Variants in ATP2B1 observed in about 807,000 individuals in gnomAD.
ATP2B1 encodes the protein plasma membrane calcium-transporting ATPase 1.
In ATP2B1, 14 loss-of-function variants were observed where a neutral mutation model predicts 124.2. The ratio of observed to expected loss-of-function variants is 0.11; its 90% confidence interval spans 0.07 to 0.18. The LOEUF (loss-of-function observed/expected upper bound fraction) is 0.18, where lower values mean the gene tolerates loss of function less well. Ranked by LOEUF, ATP2B1 falls within the 10% of genes least tolerant of loss-of-function variation. ATP2B1 has a pLI of 1.00. For synonymous variants in ATP2B1, 449 were observed against 492.4 expected (o/e 0.91, Z 1.17); for missense variants, 763 against 1,466.1 (o/e 0.52, Z 7.83).
intron 1 of ATP2B1, among the ~76,000 whole-genome samples, chr12:89,694,613 G>T (rs1046585367): frequency 6.6e-6 from 1 of 152,194 alleles, no homozygotes; most frequent in Non-Finnish European, 1.5e-5. Context: ...ACTTCAGGAA[G>T]GGAGACAGGA....
At chr12:89,650,389 G>A (rs1278345441) in intron 2 of ATP2B1, among the ~76,000 whole-genome samples, 1 of 151,938 alleles carries the variant, frequency 6.6e-6, no homozygotes, top group Non-Finnish European at 1.5e-5. Context: ...TGCCTACTAC[G>A]TCACTGTGCA....
intron 15 of ATP2B1, 91 bp from the exon 16 acceptor site, chr12:89,604,437 A>G: frequency 2.2e-6 from 2 of 898,384 alleles, no homozygotes; most frequent in Non-Finnish European, 3.3e-6. Flanking sequence ...CAAAAAGTTT[A>G]CCATTATACC....
At chr12:89,695,067 A>AAAAAAAAG (rs776192730) in intron 1 of ATP2B1, among the ~76,000 whole-genome samples, 30,600 of 145,916 alleles carry the variant, frequency 0.21, 4,530 homozygotes, top group Non-Finnish European at 0.29. Flanking sequence ...TCAAAAAAAA[A>AAAAAAAAG]AAAAGAAAAG....
chr12:89,610,944 T>C (rs1877893732), intron 13 of ATP2B1, among the ~76,000 whole-genome samples: 1 of 152,198 alleles, frequency 6.6e-6, no homozygotes, highest in African/African-American at 2.4e-5. Context: ...CTTCTGAAAT[T>C]GGCCTAGATT....
At chr12:89,626,742 A>AGT (rs142259033) in intron 7 of ATP2B1, 127 bp from the exon 8 acceptor site, 98 of 1,056,498 alleles carry the variant, frequency 9.3e-5, no homozygotes, top group East Asian at 5.4e-4. Flanking sequence ...CAGCTTTGTG[A>AGT]GTGTGTGTGT....
intron 12 of ATP2B1, among the ~76,000 whole-genome samples, chr12:89,613,089 C>T (rs188709642): frequency 2.5e-4 from 38 of 152,138 alleles, no homozygotes; most frequent in African/African-American, 9.2e-4. Context: ...AAGTGATCCT[C>T]CCACCTCAGC....
In ATP2B1 at chr12:89,612,749, T is replaced by C. The variant is rs144260364; in HGVS notation, c.2068-1377A>G. Reference sequence around the variant, plus strand: ...TGCACCTTCATCTTATACATACCTCTATTACAGATCATTAAGTCATACTAT... The same window carrying C: ...TGCACCTTCATCTTATACATACCTCCATTACAGATCATTAAGTCATACTAT... On this transcript the variant is annotated intron_variant, in intron 12 of 20. Coordinates refer to ENST00000428670, the MANE Select transcript of ATP2B1 (RefSeq NM_001366521.1). Among the ~76,000 whole-genome samples, 422 of 152,342 alleles carry C rather than the reference T, an allele frequency of 2.8e-3. 6 individuals are homozygous for C. The South Asian group carries it at 0.029, about 10-fold the overall frequency.
chr12:89,703,951 C>G (rs1892154536), intron 1 of ATP2B1, among the ~76,000 whole-genome samples: 1 of 152,176 alleles, frequency 6.6e-6, no homozygotes, highest in Admixed American at 6.5e-5. Context: ...GCCAAGGAAT[C>G]TGCACTTTCA....
At chr12:89,672,192 C>G (rs1354721870) in intron 1 of ATP2B1, among the ~76,000 whole-genome samples, 5 of 152,162 alleles carry the variant, frequency 3.3e-5, no homozygotes, top group Non-Finnish European at 7.4e-5. Flanking sequence ...CAGTGGCTCA[C>G]GCCTGTAATC....
chr12:89,670,703 A>C (rs1391637016), intron 1 of ATP2B1, among the ~76,000 whole-genome samples: 1 of 152,200 alleles, frequency 6.6e-6, no homozygotes, highest in East Asian at 1.9e-4. Flanking sequence ...GAATATAATA[A>C]ACAGAATGTA....
At chr12:89,663,123 T>G (rs997557829) in intron 1 of ATP2B1, among the ~76,000 whole-genome samples, 4 of 152,304 alleles carry the variant, frequency 2.6e-5, no homozygotes, top group Admixed American at 6.5e-5. Context: ...GATTTTACAA[T>G]GGAAGCAACC....
At chr12:89,642,107 G>T in intron 3 of ATP2B1, 51 bp downstream of exon 3, 2 of 1,517,490 alleles carry the variant, frequency 1.3e-6, no homozygotes, top group South Asian at 1.2e-5. Context: ...TTAACTAAAT[G>T]AATTAGCTGA....
chr12:89,676,429 T>C (rs1291316587), intron 1 of ATP2B1, among the ~76,000 whole-genome samples: 1 of 151,974 alleles, frequency 6.6e-6, no homozygotes, highest in Non-Finnish European at 1.5e-5. Flanking sequence ...AAAATAAATA[T>C]TTTCTCCCTC....
intron 3 of ATP2B1, among the ~76,000 whole-genome samples, chr12:89,639,172 G>A (rs918586385): frequency 3.3e-5 from 5 of 152,076 alleles, no homozygotes; most frequent in African/African-American, 9.7e-5. Flanking sequence ...GAGATGTAAC[G>A]AGACAAAAAG....
rs201371800 is a variant in ATP2B1 at position 89,655,807 on chromosome 12, A to T, written c.80T>A (p.Phe27Tyr). 6.2e-7 allele frequency: 1 copy of T among 1,614,182 alleles called. No individual in the cohort carries two copies. Among genetic ancestry groups the T allele is most frequent in the East Asian group, 2.2e-5 (1 of 44,890 alleles). The part of the protein sequence containing the change: ...SLKEANHDGD[F>Y]GITLAELRAL... ...CCGCAGCTCTGCGAGCGTAATTCCA[A>T]AGTCTCCATCATGATTAGCTTCCTT... is the stretch of plus-strand genomic sequence containing the variant. The change falls in exon 2 of 21, where the codon TTT becomes TAT. Residue 27 changes from phenylalanine to tyrosine, a missense_variant. This residue lies in a region of ATP2B1 where 93 missense variants were observed against 112.7 expected (regional missense o/e 0.83). Transcript: ENST00000428670.
intron 6 of ATP2B1, among the ~76,000 whole-genome samples, chr12:89,628,523 G>GA (rs1375516743): frequency 6.6e-6 from 1 of 151,560 alleles, no homozygotes; most frequent in Non-Finnish European, 1.5e-5. Context: ...ACTAGAATAC[G>GA]AATGTATAGA....
chr12:89,655,302 A>C (rs1307635312), intron 2 of ATP2B1, among the ~76,000 whole-genome samples: 2 of 152,222 alleles, frequency 1.3e-5, no homozygotes, highest in Admixed American at 1.3e-4. Flanking sequence ...AACTATTTTA[A>C]GCCACCCAGC....
At chr12:89,601,476 T>C (rs1875830374) in intron 18 of ATP2B1, 43 bp from the exon 19 acceptor site, 1 of 1,259,642 alleles carries the variant, frequency 7.9e-7, no homozygotes, top group Non-Finnish European at 1.1e-6. Flanking sequence ...ATCTTAAATT[T>C]TAAAATTCAT....
rs773601173 is a variant in ATP2B1 at position 89,635,167 on chromosome 12, A to G, written c.491T>C (p.Val164Ala). 6.2e-7 allele frequency: 1 copy of G among 1,613,858 alleles called. No homozygotes were observed. The highest frequency in any genetic ancestry group is 8.5e-7 in the Non-Finnish European group (1 of 1,179,880). ...GAAAGCTGTTACTAACACCACACAC[A>G]CTACAGACAAGAGGATTGCAGCTCC... is the stretch of plus-strand genomic sequence containing the variant. ...IEGAAILLSVVCVVLVTAFND... is the reference protein window; with the variant it reads ...IEGAAILLSVACVVLVTAFND... Residue 164 changes from valine to alanine, a missense_variant, in exon 4 of 21, where the codon GTG (valine) becomes GCG (alanine). Coordinates refer to ENST00000428670, the MANE Select transcript of ATP2B1 (RefSeq NM_001366521.1).
Sources: gnomAD v4.1 joint callset for allele counts (sites outside exome capture counted in the v4.1 genomes callset) on GRCh38, gnomAD v4.1.1 for gene constraint, gnomAD v4.1.1 regional missense constraint, MANE v1.5 for transcripts, NCBI Gene and HGNC (gene_info 2026-07-23, HGNC 2026-07-21) for gene names.